PRELID2: variants seen among roughly 807,000 people sequenced by gnomAD.
The protein encoded by PRELID2 is PRELI domain containing 2, also known as PRELI domain-containing protein 2.
A neutral mutation model predicts 28.4 loss-of-function variants in PRELID2; 25 were observed. That is an observed-to-expected ratio of 0.88 (90% CI 0.64 to 1.23). The LOEUF is 1.23. PRELID2 is among the 50% of genes most tolerant of loss of function. The probability of loss-of-function intolerance (pLI) is 0.00; values close to 1 mark genes in which losing one functional copy is unlikely to be tolerated. For missense variants in PRELID2, 201 were observed against 214.4 expected (o/e 0.94, Z 0.39); for synonymous variants, 76 against 71.6 (o/e 1.06, Z -0.31).
At chr5:145,492,106 C>A (rs746086206) in intron 1 of PRELID2, among the ~76,000 whole-genome samples, 2 of 152,102 alleles carry the variant, frequency 1.3e-5, no homozygotes, top group Non-Finnish European at 2.9e-5. Flanking sequence ...TTTTGAGAAA[C>A]CGCCATACTA....
the PRELID2 span, among the ~76,000 whole-genome samples, chr5:145,456,143 G>A: frequency 6.6e-6 from 1 of 152,190 alleles, no homozygotes; most frequent in African/African-American, 2.4e-5. Context: ...TGAGCTATAA[G>A]GAGTTATGGA....
At chr5:145,533,603 G>A (rs1331791566) in intron 1 of PRELID2, among the ~76,000 whole-genome samples, 1 of 152,024 alleles carries the variant, frequency 6.6e-6, no homozygotes, top group Non-Finnish European at 1.5e-5. Flanking sequence ...TTAGTCCCAT[G>A]TGTGACTGGA....
At chr5:145,399,072 G>A in the PRELID2 span, among the ~76,000 whole-genome samples, 1 of 152,040 alleles carries the variant, frequency 6.6e-6, no homozygotes, top group Non-Finnish European at 1.5e-5. Context: ...TAACCCAAGT[G>A]GCCAACACCA....
chr5:145,447,050 A>AAATAAATAAAT, the PRELID2 span, among the ~76,000 whole-genome samples: 2 of 140,194 alleles, frequency 1.4e-5, no homozygotes, highest in East Asian at 4.0e-4. Flanking sequence ...ACTCCATCTC[A>AAATAAATAAAT]AAATAAATAA....
chr5:145,415,250 G>A, the PRELID2 span, among the ~76,000 whole-genome samples: 1 of 151,514 alleles, frequency 6.6e-6, no homozygotes, highest in Non-Finnish European at 1.5e-5. Context: ...TGTTGGTTTT[G>A]TTTTGTTTTT....
chr5:145,581,236 A>C (rs566513400), intron 1 of PRELID2, among the ~76,000 whole-genome samples: 1 of 152,136 alleles, frequency 6.6e-6, no homozygotes, highest in South Asian at 2.1e-4. Flanking sequence ...TACTCCCCAC[A>C]AAGTGCTGTC....
chr5:145,832,081 T>C (rs749440479), intron 1 of PRELID2, among the ~76,000 whole-genome samples: 2 of 152,248 alleles, frequency 1.3e-5, no homozygotes, highest in Non-Finnish European at 2.9e-5. Context: ...ATCAAAGTTA[T>C]ATCTTTATAT....
intron 1 of PRELID2, among the ~76,000 whole-genome samples, chr5:145,735,838 G>C (rs1756480929): frequency 6.6e-6 from 1 of 152,192 alleles, no homozygotes; most frequent in Admixed American, 6.5e-5. Flanking sequence ...ACAGATGTAA[G>C]GGATTGCAAT....
chr5:145,775,221 C>A (rs1758338320), intron 5 of PRELID2, among the ~76,000 whole-genome samples: 1 of 151,656 alleles, frequency 6.6e-6, no homozygotes. Context: ...GCCTGAGGAA[C>A]AGAATGAGAC....
At chr5:145,353,671 T>A in the PRELID2 span, among the ~76,000 whole-genome samples, 1 of 151,872 alleles carries the variant, frequency 6.6e-6, no homozygotes, top group South Asian at 2.1e-4. Flanking sequence ...TATAAAACCA[T>A]CAGATCTCAT....
intron 1 of PRELID2, among the ~76,000 whole-genome samples, chr5:145,509,693 T>G (rs536580107): frequency 1.3e-5 from 2 of 152,320 alleles, no homozygotes; most frequent in East Asian, 3.9e-4. Context: ...AACTTTTGCT[T>G]TTCTTCATCC....
chr5:145,609,068 T>C (rs1426003060), intron 1 of PRELID2, among the ~76,000 whole-genome samples: 2 of 152,214 alleles, frequency 1.3e-5, no homozygotes, highest in African/African-American at 4.8e-5. Context: ...ATACTTGCAA[T>C]TATATTATGA....
the PRELID2 span, among the ~76,000 whole-genome samples, chr5:145,411,291 G>A: frequency 1.1e-3 from 160 of 152,276 alleles, 1 homozygote; most frequent in African/African-American, 3.7e-3. Flanking sequence ...CAGATCTCAT[G>A]AGATATATTC....
the PRELID2 span, among the ~76,000 whole-genome samples, chr5:145,314,296 CACTTT>C: frequency 1.3e-5 from 2 of 152,148 alleles, no homozygotes; most frequent in South Asian, 4.1e-4. Context: ...CTCTATCTTT[CACTTT>C]ATGTGTGTGT....
chr5:145,624,884 T>A (rs1168520473), intron 1 of PRELID2, among the ~76,000 whole-genome samples: 1 of 152,032 alleles, frequency 6.6e-6, no homozygotes, highest in East Asian at 1.9e-4. Context: ...TATAAATCAA[T>A]GATAAAAAAT....
At chr5:145,659,170 A>T (rs149592618) in intron 1 of PRELID2, among the ~76,000 whole-genome samples, 1 of 151,958 alleles carries the variant, frequency 6.6e-6, no homozygotes, top group Non-Finnish European at 1.5e-5. Flanking sequence ...TGCCCATCTC[A>T]CTCTCCAGCT....
intron 1 of PRELID2, among the ~76,000 whole-genome samples, chr5:145,574,769 C>T (rs577918433): frequency 1.3e-5 from 2 of 152,264 alleles, no homozygotes; most frequent in South Asian, 4.1e-4. Flanking sequence ...GTCACATTCG[C>T]ATATAACCTG....
intron 5 of PRELID2, among the ~76,000 whole-genome samples, chr5:145,767,524 G>A (rs1171864166): frequency 6.6e-6 from 1 of 152,160 alleles, no homozygotes; most frequent in East Asian, 1.9e-4. Flanking sequence ...GAATGACAAA[G>A]CTAAAAGAGC....
At chr5:145,635,371 A>G (rs1423695659) in intron 1 of PRELID2, among the ~76,000 whole-genome samples, 1 of 152,064 alleles carries the variant, frequency 6.6e-6, no homozygotes, top group Non-Finnish European at 1.5e-5. Flanking sequence ...CTGTGCCTTA[A>G]TGTGGTTTTA....
Sources: gnomAD v4.1 joint callset for allele counts (sites outside exome capture counted in the v4.1 genomes callset) on GRCh38, gnomAD v4.1.1 for gene constraint, MANE v1.5 for transcripts, NCBI Gene and HGNC (gene_info 2026-07-23, HGNC 2026-07-21) for gene names.